DDX4: variants seen among roughly 807,000 people sequenced by gnomAD.
DDX4 encodes the protein DEAD-box helicase 4, also known as probable ATP-dependent RNA helicase DDX4.
A neutral mutation model predicts 100.0 loss-of-function variants in DDX4; 25 were observed. The ratio of observed to expected loss-of-function variants is 0.25; its 90% CI spans 0.18 to 0.35. The LOEUF (loss-of-function observed/expected upper bound fraction) is 0.35, where lower values mean the gene tolerates loss of function less well. Ranked by LOEUF, DDX4 falls within the 10% of genes least tolerant of loss-of-function variation. The pLI, the probability that DDX4 is intolerant of heterozygous loss-of-function variation, is 1.00. For synonymous variants in DDX4, 259 were observed against 275.7 expected (o/e 0.94, Z 0.60); for missense variants, 635 against 882.4 (o/e 0.72, Z 3.55).
chr5:55,808,368 G>A (rs141049150), intron 18 of DDX4, among the ~76,000 whole-genome samples: 304 of 152,272 alleles, frequency 2.0e-3, no homozygotes, highest in African/African-American at 5.3e-3. Flanking sequence ...GAGGAGCTGC[G>A]TTCCTTTGGA....
At chr5:55,791,413 T>C (rs781776146) in intron 16 of DDX4, among the ~76,000 whole-genome samples, 1 of 152,152 alleles carries the variant, frequency 6.6e-6, no homozygotes, top group Non-Finnish European at 1.5e-5. Flanking sequence ...CCCAGAGATA[T>C]CTACCTTACT....
Position 55,814,915 on chromosome 5 carries a change from G to C in DDX4, c.1730G>C (p.Arg577Thr). ...TTSIHGDREQ[R>T]EREQALGDFR... ...TTTCTTTCAAGTGATCGGGAACAGAGAGAGCGGGAGCAAGCTCTTGGAGAT... is the reference window on the plus strand; with the variant it reads ...TTTCTTTCAAGTGATCGGGAACAGACAGAGCGGGAGCAAGCTCTTGGAGAT... The change falls in exon 20 of 22, where the codon AGA becomes ACA. Residue 577 changes from arginine to threonine, a missense_variant. Transcript: ENST00000505374. 1.2e-6 allele frequency: 2 copies of C among 1,613,324 alleles called. No homozygotes were observed. The highest frequency in any genetic ancestry group is 2.2e-5 in the South Asian group (2 of 91,032).
rs1258339508 is a variant in DDX4 at position 55,758,867 on chromosome 5, TTAAAAAAAAAA to T, written c.128-1332_128-1322del. Among the ~76,000 whole-genome samples, 150 of 71,230 alleles carry T rather than the reference TTAAAAAAAAAA, an allele frequency of 2.1e-3. 2 individuals are homozygous for T. In the East Asian group the frequency reaches 0.066, roughly 31 times the overall value. 46.7% of individuals were successfully genotyped at this position (71,230 alleles called of 152,430 possible). ...GAGCTGCTGTATTACGTTTGTTTCCTTAAAAAAAAAAAAAAAAAAAAAAAAAAAAAAGAGGC... is the reference window on the plus strand; with the variant it reads ...GAGCTGCTGTATTACGTTTGTTTCCTAAAAAAAAAAAAAAAAAAAAGAGGC... On this transcript the variant is annotated intron_variant, in intron 3 of 21. Coordinates refer to ENST00000505374, the MANE Select transcript of DDX4 (RefSeq NM_024415.3).
chr5:55,792,517 G>A (rs922140842), intron 16 of DDX4, 124 bp from the exon 17 acceptor site: 18 of 458,142 alleles, frequency 3.9e-5, no homozygotes, highest in Admixed American at 1.4e-4. Context: ...CCGCCAACAC[G>A]CCTGGCTAAT....
intron 3 of DDX4, among the ~76,000 whole-genome samples, chr5:55,752,479 C>T (rs1200355382): frequency 6.8e-6 from 1 of 147,600 alleles, no homozygotes; most frequent in African/African-American, 2.6e-5. Flanking sequence ...TGATGATTTC[C>T]AATTTCATCC....
At chr5:55,776,813 A>G (rs1315522761) in intron 7 of DDX4, among the ~76,000 whole-genome samples, 1 of 152,224 alleles carries the variant, frequency 6.6e-6, no homozygotes, top group Non-Finnish European at 1.5e-5. Flanking sequence ...AACAAGAAGC[A>G]ATGAGGAGCG....
At chr5:55,810,554 A>C (rs918544732) in intron 18 of DDX4, among the ~76,000 whole-genome samples, 2 of 152,184 alleles carry the variant, frequency 1.3e-5, no homozygotes, top group African/African-American at 4.8e-5. Flanking sequence ...TTGGATTTTC[A>C]AATTAGGAAT....
At chr5:55,790,454 A>G (rs1742497469) in intron 15 of DDX4, 122 bp from the exon 16 acceptor site, 2 of 722,850 alleles carry the variant, frequency 2.8e-6, no homozygotes, top group South Asian at 3.7e-5. Context: ...CCAGAATTTA[A>G]TATTTTTTTA....
At chr5:55,756,301 G>A (rs895681770) in intron 3 of DDX4, among the ~76,000 whole-genome samples, 1 of 152,142 alleles carries the variant, frequency 6.6e-6, no homozygotes, top group Admixed American at 6.6e-5. Context: ...GCATCAGAAT[G>A]TGTGTTTTAA....
chr5:55,816,580 A>G lies in DDX4; in HGVS notation c.*40A>G, dbSNP rs1238964457. On this transcript the variant is annotated 3_prime_UTR_variant, in exon 22 of 22. Transcript: ENST00000505374. ...TCAAGTCTGTGGTTTTGATGCAGAG[A>G]AGAAAATAGTTTTGATTTTTGAGTT... 4 of 1,597,802 alleles carry G rather than the reference A, an allele frequency of 2.5e-6. No homozygotes were observed. In the African/African-American group the frequency reaches 5.4e-5, roughly 22 times the overall value.
At chr5:55,773,364 A>C (rs568744825) in intron 7 of DDX4, among the ~76,000 whole-genome samples, 1 of 152,268 alleles carries the variant, frequency 6.6e-6, no homozygotes, top group African/African-American at 2.4e-5. Flanking sequence ...ATTTGTGTAC[A>C]AGTTTTTATG....
At chr5:55,789,805 C>T (rs1204262760) in intron 15 of DDX4, among the ~76,000 whole-genome samples, 1 of 152,122 alleles carries the variant, frequency 6.6e-6, no homozygotes, top group Non-Finnish European at 1.5e-5. Context: ...CAGCCTTACC[C>T]ACACTGAAGG....
intron 18 of DDX4, among the ~76,000 whole-genome samples, chr5:55,809,156 C>A (rs1182481019): frequency 6.6e-6 from 1 of 152,208 alleles, no homozygotes; most frequent in African/African-American, 2.4e-5. Flanking sequence ...TTTGCTAAGA[C>A]CATTGGAAAA....
intron 3 of DDX4, among the ~76,000 whole-genome samples, chr5:55,746,997 C>T (rs766717907): frequency 2.2e-4 from 33 of 151,740 alleles, no homozygotes; most frequent in African/African-American, 5.3e-4. Flanking sequence ...TTTGGGAAGC[C>T]GAAGTAGGAA....
chr5:55,801,846 C>A (rs954597231), intron 18 of DDX4, among the ~76,000 whole-genome samples: 1 of 152,178 alleles, frequency 6.6e-6, no homozygotes, highest in Non-Finnish European at 1.5e-5. Flanking sequence ...GAAACTAAGT[C>A]TCAGAAACTC....
chr5:55,752,633 G>T (rs13185156), intron 3 of DDX4, among the ~76,000 whole-genome samples: 3 of 147,470 alleles, frequency 2.0e-5, no homozygotes, highest in East Asian at 2.0e-4. Flanking sequence ...GAGTAATGCC[G>T]CAATAAACAT....
At chr5:55,770,241 A>G (rs1390847562) in intron 7 of DDX4, among the ~76,000 whole-genome samples, 6 of 152,028 alleles carry the variant, frequency 3.9e-5, no homozygotes, top group Non-Finnish European at 2.9e-5. Context: ...AGAATGTGCT[A>G]TCAATTACAG....
At chr5:55,761,082 A>T (rs888680090) in intron 4 of DDX4, among the ~76,000 whole-genome samples, 3 of 152,176 alleles carry the variant, frequency 2.0e-5, no homozygotes, top group African/African-American at 7.2e-5. Context: ...CATTTGGAAA[A>T]TTTAATTTCT....
chr5:55,813,613 G>T, intron 18 of DDX4, 60 bp from the exon 19 acceptor site: 1 of 1,484,544 alleles, frequency 6.7e-7, no homozygotes. Context: ...TCCTATCCCT[G>T]CTTTATTTTT....
Sources: allele counts gnomAD v4.1 joint callset (sites outside exome capture counted in the v4.1 genomes callset), GRCh38; gene constraint gnomAD v4.1.1; transcripts MANE v1.5; gene names NCBI Gene and HGNC (gene_info 2026-07-23, HGNC 2026-07-21).